Variants in ADGRG5 observed in about 807,000 individuals in gnomAD.
ADGRG5 encodes adhesion G protein-coupled receptor G5.
A neutral mutation model predicts 53.2 loss-of-function variants in ADGRG5; 37 were observed. The observed-to-expected ratio is 0.70, with a 90% CI of 0.53 to 0.91. The LOEUF is 0.91. ADGRG5 is among the 40% of genes least tolerant of loss of function. The pLI is 0.00. For synonymous variants in ADGRG5, 277 were observed against 290.4 expected (o/e 0.95, Z 0.47); for missense variants, 614 against 675.8 (o/e 0.91, Z 1.01).
rs533030915 is a variant in ADGRG5 at position 57,561,531 on chromosome 16, G to A, written c.-38-525G>A. 7.2e-5 allele frequency among the ~76,000 whole-genome samples: 11 copies of A among 152,168 alleles called. 1 individual carries two copies. The highest frequency in any genetic ancestry group is 4.1e-4 in the South Asian group (2 of 4,820). ...CCTCTTTTCTTTCCCATTGTTCTGT[G>A]GCTTTGTGCCTATTTTATTCATTCC... On this transcript the variant is annotated intron_variant, in intron 1 of 11. Transcript: ENST00000349457.
chr16:57,542,828 G>A (rs1481535865), intron 1 of ADGRG5, 127 bp downstream of exon 1: 1 of 152,568 alleles, frequency 6.6e-6, no homozygotes, highest in African/African-American at 2.4e-5. Flanking sequence ...ATCCTGGTGA[G>A]CAAGCTGGGG....
chr16:57,571,520 A>G (rs545898870), intron 10 of ADGRG5, among the ~76,000 whole-genome samples: 74 of 152,238 alleles, frequency 4.9e-4, no homozygotes, highest in Middle Eastern at 3.4e-3. Context: ...TGTGACTTCA[A>G]TTTACATGAA....
chr16:57,558,449 C>T lies in ADGRG5; in HGVS notation c.-38-3607C>T, dbSNP rs116684485. On this transcript the variant is annotated intron_variant, in intron 1 of 11. Coordinates refer to ENST00000349457, the MANE Select transcript of ADGRG5 (RefSeq NM_001304376.3). ...ATGCAACACAGAGGAAATCTCTCTT[C>T]GTGTTCTAGTCCCTTCTCCAGCAGT... Among the ~76,000 whole-genome samples the T allele has an allele frequency of 9.5e-3, 1,453 of 152,322 alleles. 25 individuals carry two copies. The highest frequency in any genetic ancestry group is 0.033 in the African/African-American group (1,365 of 41,552).
the ADGRG5 span, among the ~76,000 whole-genome samples, chr16:57,532,726 C>T: frequency 6.6e-6 from 1 of 150,882 alleles, no homozygotes; most frequent in Non-Finnish European, 1.5e-5. Context: ...CACACACACA[C>T]ACACACACAG....
At chr16:57,554,729 T>G (rs189639854) in intron 1 of ADGRG5, among the ~76,000 whole-genome samples, 17 of 152,332 alleles carry the variant, frequency 1.1e-4, no homozygotes, top group Non-Finnish European at 2.2e-4. Context: ...TAGTTTGCTC[T>G]TCTTTTTATA....
At chr16:57,559,656 T>G (rs2032958081) in intron 1 of ADGRG5, among the ~76,000 whole-genome samples, 1 of 152,148 alleles carries the variant, frequency 6.6e-6, no homozygotes, top group Admixed American at 6.5e-5. Context: ...AAACAGATCA[T>G]GTGTTTCATC....
upstream of ADGRG5, among the ~76,000 whole-genome samples, chr16:57,539,445 A>G (rs1027643652): frequency 1.5e-5 from 2 of 130,498 alleles, no homozygotes; most frequent in Non-Finnish European, 3.1e-5. Context: ...ATGCCATTGC[A>G]CTGTACCCCT....
At chr16:57,561,930 A>G (rs2033011268) in intron 1 of ADGRG5, 126 bp from the exon 2 acceptor site, 1 of 496,406 alleles carries the variant, frequency 2.0e-6, no homozygotes, top group Admixed American at 3.8e-5. Flanking sequence ...CAGCTTCCTC[A>G]TCTGTGAAAT....
upstream of ADGRG5, among the ~76,000 whole-genome samples, chr16:57,540,719 C>G (rs1221796488): frequency 1.3e-5 from 2 of 152,134 alleles, no homozygotes; most frequent in African/African-American, 4.8e-5. Flanking sequence ...CAAGCACAAT[C>G]AGACTGGGTG....
rs948263414 is a variant in ADGRG5, at chr16:57,566,880, A to G, written c.699+129A>G. Reference sequence around the variant, plus strand: ...ATGGGCTTAAGCAAAAAACAAAAAAAACTTTATGGACTCATGTTTCTGGAA... The same window carrying G: ...ATGGGCTTAAGCAAAAAACAAAAAAGACTTTATGGACTCATGTTTCTGGAA... On this transcript the variant is annotated intron_variant, in intron 7 of 11. Transcript: ENST00000349457. 1.3e-5 allele frequency: 11 copies of G among 815,332 alleles called. No individual in the cohort carries two copies. In the African/African-American group the frequency reaches 1.6e-4, roughly 12 times the overall value. 50.5% of individuals were successfully genotyped at this position (815,332 alleles called of 1,614,324 possible). A position where few individuals can be genotyped will look rare whatever the true frequency, so the allele number is the denominator to read the frequency against.
intron 9 of ADGRG5, among the ~76,000 whole-genome samples, 191 bp downstream of exon 9, chr16:57,568,315 A>G (rs1311128261): frequency 1.3e-5 from 2 of 151,540 alleles, no homozygotes; most frequent in African/African-American, 4.9e-5. Flanking sequence ...CTCCATCATC[A>G]TCATCGTCAC....
chr16:57,532,694 AGCAG>A, the ADGRG5 span, among the ~76,000 whole-genome samples: 1 of 92,254 alleles, frequency 1.1e-5, no homozygotes, highest in Non-Finnish European at 2.1e-5. Context: ...CCCCAAGTGA[AGCAG>A]ACACACACAC....
chr16:57,570,490 T>C lies in ADGRG5; in HGVS notation c.1163T>C (p.Val388Ala). ...GTATACGGACCCTGCACAATCCCCGTCTTCGACAGCTGGGAGAATGGCACA... is the reference window on the plus strand; with the variant it reads ...GTATACGGACCCTGCACAATCCCCGCCTTCGACAGCTGGGAGAATGGCACA... ...SSVYGPCTIP[V>A]FDSWENGTGF... is the part of the protein sequence containing the mutation. Residue 388 changes from valine (V) to alanine (A), a missense_variant, in exon 10 of 12, where the codon GTC (valine) becomes GCC (alanine). Physicochemically the swap from Val to Ala is moderately conservative, Grantham distance 64. Coordinates refer to ENST00000349457, the MANE Select transcript of ADGRG5 (RefSeq NM_001304376.3). The C allele has an allele frequency of 6.2e-7, 1 of 1,613,568 alleles. No individual in the cohort carries two copies. The highest frequency in any genetic ancestry group is 8.5e-7 in the Non-Finnish European group (1 of 1,179,934).
At chr16:57,575,224 TA>T in intron 11 of ADGRG5, 132 bp downstream of exon 11, 1 of 1,101,968 alleles carries the variant, frequency 9.1e-7, no homozygotes, top group Non-Finnish European at 1.3e-6. Flanking sequence ...CTCCACTAGC[TA>T]AGCTGGTGGG....
chr16:57,567,377 T>G, intron 7 of ADGRG5, 93 bp from the exon 8 acceptor site: 1 of 1,428,878 alleles, frequency 7.0e-7, no homozygotes, highest in Non-Finnish European at 9.5e-7. Context: ...GGAAGGGGAC[T>G]TGGAGAGGAG....
chr16:57,570,358 C>G, intron 9 of ADGRG5, 60 bp from the exon 10 acceptor site: 1 of 1,120,606 alleles, frequency 8.9e-7, no homozygotes, highest in Non-Finnish European at 1.3e-6. Flanking sequence ...CCAGGGACCG[C>G]CCCAGGGACC....
intron 2 of ADGRG5, 93 bp from the exon 3 acceptor site, chr16:57,562,291 G>C: frequency 7.1e-7 from 1 of 1,418,378 alleles, no homozygotes; most frequent in Non-Finnish European, 9.8e-7. Context: ...AGCTGCTTGT[G>C]AACTAGACTC....
At chr16:57,538,191 A>C (rs1298969504), upstream of ADGRG5, among the ~76,000 whole-genome samples, 1 of 152,088 alleles carries the variant, frequency 6.6e-6, no homozygotes, top group Non-Finnish European at 1.5e-5. Context: ...GACGTGACCC[A>C]CCCGATCGTA....
In ADGRG5 at chr16:57,574,996, G is replaced by T. The variant is rs768312484; in HGVS notation, c.1390G>T (p.Val464Leu). Residue 464 changes from valine (V) to leucine (L), a missense_variant, in exon 11 of 12, where the codon GTG (valine) becomes TTG (leucine). Coordinates refer to ENST00000349457, the MANE Select transcript of ADGRG5 (RefSeq NM_001304376.3). This position sits in a 1 kb window ranked among gnomAD's most constrained non-coding sequence, Gnocchi z 4.4. Reference protein sequence around the residue: ...HDTVTVLGLTVLLGTTWALAF... With the variant: ...HDTVTVLGLTLLLGTTWALAF... Reference sequence around the variant, plus strand: ...CACTGTCACTGTGCTGGGCCTCACCGTGCTGCTGGGAACCACCTGGGCCTT... The same window carrying T: ...CACTGTCACTGTGCTGGGCCTCACCTTGCTGCTGGGAACCACCTGGGCCTT... The T allele has an allele frequency of 3.7e-6, 6 of 1,613,862 alleles. No individual in the cohort carries two copies. Among genetic ancestry groups the T allele is most frequent in the Non-Finnish European group, 2.5e-6 (3 of 1,180,022 alleles).
Sources: gnomAD v4.1 joint callset for allele counts (sites outside exome capture counted in the v4.1 genomes callset) on GRCh38, gnomAD v4.1.1 for gene constraint, Gnocchi (gnomAD v3.1) non-coding constraint, MANE v1.5 for transcripts, NCBI Gene and HGNC (gene_info 2026-07-23, HGNC 2026-07-21) for gene names.